NOX3: variants seen among roughly 807,000 people sequenced by gnomAD.
NOX3 encodes NADPH oxidase catalytic subunit-like 3.
In NOX3, 74 loss-of-function variants were observed where a neutral mutation model predicts 76.7. That is an observed-to-expected ratio of 0.96 (90% CI 0.80 to 1.17). The LOEUF (loss-of-function observed/expected upper bound fraction) is 1.17, where lower values mean the gene tolerates loss of function less well. Ranked by LOEUF, NOX3 falls within the 50% of genes most tolerant of loss-of-function variation. NOX3 has a pLI of 0.00. For missense variants in NOX3, 695 were observed against 703.3 expected (o/e 0.99, Z 0.13); for synonymous variants, 263 against 261.1 (o/e 1.01, Z -0.07).
chr6:155,443,203 G>A (rs1263849171), intron 5 of NOX3, 70 bp downstream of exon 5: 3 of 1,433,006 alleles, frequency 2.1e-6, no homozygotes, highest in African/African-American at 2.8e-5. Flanking sequence ...TCAATATAGC[G>A]TTCCTGATTA....
intron 6 of NOX3, among the ~76,000 whole-genome samples, chr6:155,438,670 G>T (rs1237428571): frequency 2.0e-5 from 3 of 152,188 alleles, no homozygotes; most frequent in Non-Finnish European, 4.4e-5. Context: ...CCAAAGCGTT[G>T]TCTGTGGGCC....
rs545197967 is a variant in NOX3 at position 155,409,683 on chromosome 6, G to A, written c.1455+1531C>T. Among the ~76,000 whole-genome samples, 86 of 152,204 alleles carry A rather than the reference G, an allele frequency of 5.7e-4. 1 individual carries two copies. The highest frequency in any genetic ancestry group is 4.7e-4 in the Non-Finnish European group (32 of 68,020). ...ACAGCCTCTTGATTCTTTCCCGACA[G>A]AATGCACCAATTATTTTTCCTTTAA... On this transcript the variant is annotated intron_variant, in intron 11 of 13. Coordinates refer to ENST00000159060, the MANE Select transcript of NOX3 (RefSeq NM_015718.3).
At chr6:155,436,115 G>A (rs1776900092) in intron 7 of NOX3, among the ~76,000 whole-genome samples, 1 of 152,210 alleles carries the variant, frequency 6.6e-6, no homozygotes, top group Non-Finnish European at 1.5e-5. Context: ...GGAGCACAAA[G>A]AAGGGTGGTG....
In NOX3 at chr6:155,443,496, G is replaced by C. The variant is rs1777022401; in HGVS notation, c.341-78C>G. 13 of 1,497,084 alleles carry C rather than the reference G, an allele frequency of 8.7e-6. No homozygotes were observed. In the South Asian group the frequency reaches 1.5e-4, roughly 18 times the overall value. The allele number at this position is 1,497,084 out of a possible 1,614,324, so 92.7% of individuals were successfully genotyped here. On this transcript the variant is annotated intron_variant, in intron 4 of 13. Transcript: ENST00000159060. ...AGTTACTAAAAAATACAGTGTCTCT[G>C]TGCTCAAGTTTCTCTGTTCTGGTTT...
chr6:155,455,325 G>A (rs559060367), intron 1 of NOX3, among the ~76,000 whole-genome samples, 196 bp from the exon 2 acceptor site: 2 of 152,076 alleles, frequency 1.3e-5, no homozygotes, highest in African/African-American at 4.8e-5. Flanking sequence ...TTATTAAAAA[G>A]ATTTTAAACA....
intron 12 of NOX3, among the ~76,000 whole-genome samples, chr6:155,399,395 T>G (rs1779185291): frequency 6.6e-6 from 1 of 152,206 alleles, no homozygotes; most frequent in Admixed American, 6.5e-5. Flanking sequence ...CCCCAGCAGT[T>G]CACAGCTCCC....
rs1397421378 is a variant in NOX3 at position 155,396,745 on chromosome 6, T to C, written c.*27+64A>G. On this transcript the variant is annotated intron_variant, in intron 13 of 13. Coordinates refer to ENST00000159060, the MANE Select transcript of NOX3 (RefSeq NM_015718.3). ...TACAGTGCATAGAGCCTAAAATGAT[T>C]ACTGTTTGGCCCCTTATGGGAAGAG... 3 of 1,357,946 alleles carry C rather than the reference T, an allele frequency of 2.2e-6. No individual in the cohort carries two copies. In the African/African-American group the frequency reaches 4.4e-5, roughly 20 times the overall value. 84.1% of individuals were successfully genotyped at this position (1,357,946 alleles called of 1,614,324 possible).
Position 155,440,140 on chromosome 6 carries a change from A to T in NOX3, c.487-3T>A. ...CTTAGCAATTCAGTGGTTGTGTTCTAAAAAAAACAACAACAACAAAAAAAG... is the reference window on the plus strand; with the variant it reads ...CTTAGCAATTCAGTGGTTGTGTTCTTAAAAAAACAACAACAACAAAAAAAG... On this transcript the variant is annotated splice_region_variant and splice_polypyrimidine_tract_variant and intron_variant, in intron 5 of 13. Transcript: ENST00000159060. 1.3e-6 allele frequency: 2 copies of T among 1,537,972 alleles called. No homozygotes were observed. Among genetic ancestry groups the T allele is most frequent in the Non-Finnish European group, 1.7e-6 (2 of 1,143,084 alleles).
chr6:155,422,590 C>A (rs1038486439), intron 10 of NOX3, 104 bp downstream of exon 10: 12 of 1,067,684 alleles, frequency 1.1e-5, no homozygotes, highest in South Asian at 1.6e-5. Flanking sequence ...TTGAGTTTAT[C>A]CCTCATAGTT....
At chr6:155,424,939 A>G (rs551930676) in intron 9 of NOX3, among the ~76,000 whole-genome samples, 1 of 152,374 alleles carries the variant, frequency 6.6e-6, no homozygotes, top group Non-Finnish European at 1.5e-5. Flanking sequence ...AGAAATATAC[A>G]ATAAACAAAT....
In NOX3 at chr6:155,430,949, CAGAG is replaced by C. The variant is rs758879704; in HGVS notation, c.799-18_799-15del. The C allele has an allele frequency of 4.8e-6, 7 of 1,458,516 alleles. No individual in the cohort carries two copies. The highest frequency in any genetic ancestry group is 4.5e-5 in the East Asian group (2 of 44,024). The allele number at this position is 1,458,516 out of a possible 1,614,324, so 90.3% of individuals were successfully genotyped here. On this transcript the variant is annotated splice_polypyrimidine_tract_variant and intron_variant, in intron 7 of 13. Coordinates refer to ENST00000159060, the MANE Select transcript of NOX3 (RefSeq NM_015718.3). ...CCATTTCCAAGCCTGAAGAGAGTAGCAGAGAGAGAGAGAAAAAGGAAATGAAAAT... is the reference window on the plus strand; with the variant it reads ...CCATTTCCAAGCCTGAAGAGAGTAGCAGAGAGAGAAAAAGGAAATGAAAAT...
chr6:155,426,205 C>A (rs970306400), intron 9 of NOX3, among the ~76,000 whole-genome samples: 1 of 152,146 alleles, frequency 6.6e-6, no homozygotes. Context: ...GAGGGCGAAA[C>A]AAATTAGTGA....
chr6:155,403,625 C>T (rs1020795397), intron 12 of NOX3, among the ~76,000 whole-genome samples: 1 of 152,196 alleles, frequency 6.6e-6, no homozygotes, highest in Non-Finnish European at 1.5e-5. Context: ...CGTTTCCGCA[C>T]TTCACTTTGA....
intron 9 of NOX3, among the ~76,000 whole-genome samples, chr6:155,425,372 G>A (rs1476103088): frequency 6.6e-6 from 1 of 152,046 alleles, no homozygotes; most frequent in Admixed American, 6.6e-5. Flanking sequence ...CCTTGATTTA[G>A]ACACAGCGTT....
chr6:155,432,488 G>T (rs1776847508), intron 7 of NOX3, among the ~76,000 whole-genome samples: 1 of 152,182 alleles, frequency 6.6e-6, no homozygotes, highest in Non-Finnish European at 1.5e-5. Context: ...TCATTACTCA[G>T]TGCTCCCTGA....
intron 7 of NOX3, among the ~76,000 whole-genome samples, chr6:155,431,887 A>G (rs544143276): frequency 6.6e-6 from 1 of 152,278 alleles, no homozygotes; most frequent in East Asian, 1.9e-4. Context: ...CTGAGTTCTT[A>G]CCAGGACCCC....
At chr6:155,446,513 T>G (rs1006342698) in intron 4 of NOX3, among the ~76,000 whole-genome samples, 2 of 152,318 alleles carry the variant, frequency 1.3e-5, no homozygotes, top group East Asian at 1.9e-4. Context: ...GACAGACCAG[T>G]ATTCAAAGAG....
intron 8 of NOX3, among the ~76,000 whole-genome samples, 189 bp downstream of exon 8, chr6:155,430,654 C>G (rs959809592): frequency 6.6e-6 from 1 of 152,004 alleles, no homozygotes; most frequent in African/African-American, 2.4e-5. Context: ...GTCTGGAGCC[C>G]TGATCCCTGT....
rs141358592 is a variant in NOX3 at position 155,435,871 on chromosome 6, C to A, written c.798+547G>T. Among the ~76,000 whole-genome samples, 509 of 152,306 alleles carry A rather than the reference C, an allele frequency of 3.3e-3. 7 individuals carry two copies. The highest frequency in any genetic ancestry group is 0.011 in the African/African-American group (462 of 41,552). On this transcript the variant is annotated intron_variant, in intron 7 of 13. Coordinates refer to ENST00000159060, the MANE Select transcript of NOX3 (RefSeq NM_015718.3). ...TCATCTACACAAATTAATTAAGTATCTTCTTGGCTAACATCATCATTATTT... is the reference window on the plus strand; with the variant it reads ...TCATCTACACAAATTAATTAAGTATATTCTTGGCTAACATCATCATTATTT...
Sources: allele counts gnomAD v4.1 joint callset (sites outside exome capture counted in the v4.1 genomes callset), GRCh38; gene constraint gnomAD v4.1.1; transcripts MANE v1.5; gene names NCBI Gene and HGNC (gene_info 2026-07-23, HGNC 2026-07-21).